Variants in CASZ1 observed in about 807,000 individuals in gnomAD.
CASZ1 encodes the protein castor zinc finger 1.
In CASZ1, 28 loss-of-function variants were observed where a neutral mutation model predicts 135.2. That is an observed-to-expected ratio of 0.21 (90% CI 0.15 to 0.28). The LOEUF is 0.28. CASZ1 is among the 10% of genes least tolerant of loss of function. The probability of loss-of-function intolerance (pLI) is 1.00; values close to 1 mark genes in which losing one functional copy is unlikely to be tolerated. For missense variants in CASZ1, 2,161 were observed against 2,453.3 expected (o/e 0.88, Z 2.52); for synonymous variants, 1,068 against 1,073.4 (o/e 0.99, Z 0.10).
chr1:10,671,471 G>A (rs192670841), intron 4 of CASZ1, among the ~76,000 whole-genome samples: 2 of 152,212 alleles, frequency 1.3e-5, no homozygotes, highest in African/African-American at 4.8e-5. Flanking sequence ...AGATGTGAGG[G>A]AAGGGGCTTC....
chr1:10,690,838 C>T (rs758869016), intron 4 of CASZ1, among the ~76,000 whole-genome samples: 6 of 152,232 alleles, frequency 3.9e-5, no homozygotes, highest in African/African-American at 4.8e-5. Context: ...GAGTCAAGGG[C>T]GAACGCCTGC....
intron 5 of CASZ1, among the ~76,000 whole-genome samples, chr1:10,663,346 G>C (rs1643112062): frequency 6.6e-6 from 1 of 152,054 alleles, no homozygotes; most frequent in Non-Finnish European, 1.5e-5. Flanking sequence ...TAGGGGAGGA[G>C]AGGACAGTCA....
At position 10,639,128 on chromosome 1, in the gene CASZ1, G is replaced by C. The variant is rs1263783040; in HGVS notation, c.5094C>G (p.Asp1698Glu). 8.7e-7 allele frequency: 1 copy of C among 1,147,534 alleles called. No homozygotes were observed. The allele number at this position is 1,147,534 out of a possible 1,614,324, so 71.1% of individuals were successfully genotyped here. The change falls in exon 21 of 21, where the codon GAC (aspartate) becomes GAG (glutamate). Residue 1698 changes from aspartate to glutamate, a missense_variant. Coordinates refer to ENST00000377022, the MANE Select transcript of CASZ1 (RefSeq NM_001079843.3). This position sits in a 1 kb window ranked among gnomAD's most constrained non-coding sequence, Gnocchi z 4.0. ...EAEDDEDEDD[D>E]EDDDDEDDDE... ...CGTCGTCCTCGTCGTCGTCGTCCTC[G>C]TCGTCGTCCTCGTCCTCGTCGTCTT...
In CASZ1 at chr1:10,656,751, G is replaced by T; in HGVS notation, c.1410-15C>A. On this transcript the variant is annotated splice_polypyrimidine_tract_variant and intron_variant, in intron 7 of 20. Coordinates refer to ENST00000377022, the MANE Select transcript of CASZ1 (RefSeq NM_001079843.3). ...TGCCCGAGAACCTGGAGGGAGGAGG[G>T]GTGGGGTCAGGGCCCTGCTGTGGGT... is the stretch of plus-strand genomic sequence containing the variant. 1.9e-6 allele frequency: 3 copies of T among 1,547,686 alleles called. No homozygotes were observed. Among genetic ancestry groups the T allele is most frequent in the Non-Finnish European group, 2.6e-6 (3 of 1,136,452 alleles).
rs1295565624 is a variant in CASZ1 at position 10,694,849 on chromosome 1, G to A, written c.-23-937C>T. On this transcript the variant is annotated intron_variant, in intron 3 of 20. Coordinates refer to ENST00000377022, the MANE Select transcript of CASZ1 (RefSeq NM_001079843.3). The surrounding 1 kb of genome is among the most constrained non-coding windows in gnomAD (Gnocchi z 6.6). ...CGGCGCGGGGCGGGGAACGCGGCCC[G>A]AGTAAGGCGCCCGCGGGCACGCGCC... is the stretch of plus-strand genomic sequence containing the variant. Among the ~76,000 whole-genome samples the A allele has an allele frequency of 2.1e-5, 3 of 143,730 alleles. No homozygotes were observed. Among genetic ancestry groups the A allele is most frequent in the Non-Finnish European group, 3.1e-5 (2 of 64,882 alleles). 94.3% of individuals were successfully genotyped at this position (143,730 alleles called of 152,430 possible). A position where few individuals can be genotyped will look rare whatever the true frequency, so the allele number is the denominator to read the frequency against.
At chr1:10,765,497 C>T (rs1420821595) in intron 1 of CASZ1, among the ~76,000 whole-genome samples, 2 of 152,282 alleles carry the variant, frequency 1.3e-5, no homozygotes, top group African/African-American at 2.4e-5. Flanking sequence ...TGATCTCACA[C>T]GGCCCACGAC....
intron 4 of CASZ1, among the ~76,000 whole-genome samples, chr1:10,670,889 C>T (rs1643377605): frequency 6.6e-6 from 1 of 152,156 alleles, no homozygotes; most frequent in East Asian, 1.9e-4. Flanking sequence ...GGAGTCCTTC[C>T]CTCTTGGACC....
intron 2 of CASZ1, among the ~76,000 whole-genome samples, chr1:10,737,976 AAT>A (rs1639833246): frequency 6.6e-6 from 1 of 152,122 alleles, no homozygotes; most frequent in South Asian, 2.1e-4. Flanking sequence ...TCATTCCACA[AAT>A]AGTCACTCAA....
chr1:10,763,002 G>A (rs946881551), intron 1 of CASZ1, among the ~76,000 whole-genome samples: 1 of 152,166 alleles, frequency 6.6e-6, no homozygotes, highest in Non-Finnish European at 1.5e-5. Context: ...AAAGGGTGTG[G>A]CCAGGCCTCC....
chr1:10,783,201 T>C (rs1640793507), intron 1 of CASZ1, among the ~76,000 whole-genome samples: 1 of 152,064 alleles, frequency 6.6e-6, no homozygotes. Context: ...TGCTTTAATA[T>C]TTGGGGTTTT....
intron 1 of CASZ1, among the ~76,000 whole-genome samples, chr1:10,770,405 T>C (rs1640553971): frequency 6.6e-6 from 1 of 152,124 alleles, no homozygotes; most frequent in South Asian, 2.1e-4. Context: ...TCTTTATACT[T>C]TTTTGTATTT....
At position 10,637,104 on chromosome 1, in the gene CASZ1, A is replaced by C. The variant is rs1557447694; in HGVS notation, c.*1838T>G. ...AAAGGCTAGACTCCGCACTGTCGGC[A>C]TCTTCTTCTTTTCTTCTTTTTTTTT... On this transcript the variant is annotated 3_prime_UTR_variant, in exon 21 of 21. Transcript: ENST00000377022. 1 of 152,216 alleles carries C rather than the reference A, an allele frequency of 6.6e-6. No individual in the cohort carries two copies. Among genetic ancestry groups the C allele is most frequent in the Non-Finnish European group, 1.5e-5 (1 of 67,944 alleles). 9.4% of individuals were successfully genotyped at this position (152,216 alleles called of 1,614,324 possible). A position where few individuals can be genotyped will look rare whatever the true frequency, so the allele number is the denominator to read the frequency against.
intron 3 of CASZ1, among the ~76,000 whole-genome samples, chr1:10,696,511 C>T (rs1002714763): frequency 1.3e-5 from 2 of 152,236 alleles, no homozygotes; most frequent in Admixed American, 6.5e-5. Context: ...GTGTCCAGGA[C>T]CGCTGTGGGG....
chr1:10,674,888 C>T (rs1206266137), intron 4 of CASZ1, among the ~76,000 whole-genome samples: 1 of 152,226 alleles, frequency 6.6e-6, no homozygotes, highest in African/African-American at 2.4e-5. Flanking sequence ...CAGTGGGCAG[C>T]CCAAGAAGGT....
rs186057096 is a variant in CASZ1, at chr1:10,724,029, G to T, written c.-76-18485C>A. On this transcript the variant is annotated intron_variant, in intron 2 of 20. Transcript: ENST00000377022. This position sits in a 1 kb window ranked among gnomAD's most constrained non-coding sequence, Gnocchi z 4.1. ...TGCCCCAGCCTCCCATATCACTTTG[G>T]ATTCCTGGTGAGGACAAGTCCAGTT... is the stretch of plus-strand genomic sequence containing the variant. 1.8e-3 allele frequency among the ~76,000 whole-genome samples: 269 copies of T among 152,292 alleles called. 1 individual carries two copies. The highest frequency in any genetic ancestry group is 6.8e-3 in the Middle Eastern group (2 of 294).
intron 4 of CASZ1, among the ~76,000 whole-genome samples, chr1:10,686,810 C>T (rs978603605): frequency 1.3e-5 from 2 of 152,256 alleles, no homozygotes; most frequent in Admixed American, 1.3e-4. Context: ...CTAGGCTGCC[C>T]CTCCCCCACC....
At position 10,665,479 on chromosome 1, in the gene CASZ1, T is replaced by G; in HGVS notation, c.109A>C (p.Lys37Gln). ...TCCACCACCACCTGGCGGCTCAGCT[T>G]GGCGCAGATGGCGTTCAGCTTCAGG... ...GGLKLNAICAKLSRQVVVEKR... is the reference protein window; with the variant it reads ...GGLKLNAICAQLSRQVVVEKR... The change falls in exon 5 of 21, where the codon AAG becomes CAG. Residue 37 changes from lysine (K) to glutamine (Q), a missense_variant. Physicochemically the swap from Lys to Gln is moderately conservative, Grantham distance 53 (BLOSUM62 1). Coordinates refer to ENST00000377022, the MANE Select transcript of CASZ1 (RefSeq NM_001079843.3). 6.2e-7 allele frequency: 1 copy of G among 1,607,878 alleles called. No homozygotes were observed. The highest frequency in any genetic ancestry group is 2.2e-5 in the East Asian group (1 of 44,876).
At chr1:10,749,030 G>A (rs530961201) in intron 2 of CASZ1, among the ~76,000 whole-genome samples, 37 of 152,300 alleles carry the variant, frequency 2.4e-4, no homozygotes, top group African/African-American at 7.7e-4. Flanking sequence ...GGAGCCCTGC[G>A]GCTGCTGCGT....
intron 6 of CASZ1, 23 bp from the exon 7 acceptor site, chr1:10,658,599 C>CA (rs1642890195): frequency 6.2e-7 from 1 of 1,610,980 alleles, no homozygotes; most frequent in South Asian, 1.1e-5. Flanking sequence ...ACACAGGGCA[C>CA]AGCCGGTGAG....
Sources: allele counts gnomAD v4.1 joint callset (sites outside exome capture counted in the v4.1 genomes callset), GRCh38; gene constraint gnomAD v4.1.1; non-coding constraint Gnocchi (gnomAD v3.1); transcripts MANE v1.5; gene names NCBI Gene and HGNC (gene_info 2026-07-23, HGNC 2026-07-21).